Variants in U2SURP observed in about 807,000 individuals in gnomAD.
U2SURP encodes U2 snRNP-associated SURP motif-containing protein.
Under a neutral mutation model 144.9 loss-of-function variants are expected in U2SURP, and 9 were observed. The ratio of observed to expected loss-of-function variants is 0.06; its 90% confidence interval spans 0.04 to 0.11. The LOEUF (loss-of-function observed/expected upper bound fraction) is 0.11. U2SURP is among the 10% of genes least tolerant of loss of function. The pLI is 1.00. For synonymous variants in U2SURP, 408 were observed against 396.8 expected (o/e 1.03, Z -0.33); for missense variants, 724 against 1,226.7 (o/e 0.59, Z 6.12).
intron 25 of U2SURP, among the ~76,000 whole-genome samples, chr3:143,052,220 C>T (rs1051672877): frequency 5.9e-5 from 9 of 152,138 alleles, no homozygotes; most frequent in Non-Finnish European, 8.8e-5. Context: ...CATGGATAAA[C>T]CCCGTCTCTA....
chr3:143,011,071 A>G (rs1237764170), intron 2 of U2SURP, among the ~76,000 whole-genome samples: 1 of 151,188 alleles, frequency 6.6e-6, no homozygotes, highest in Non-Finnish European at 1.5e-5. Context: ...CCTAGTATGT[A>G]TATTTCCTTA....
chr3:143,037,157 A>T, intron 20 of U2SURP, 22 bp from the exon 21 acceptor site: 2 of 1,602,934 alleles, frequency 1.2e-6, no homozygotes, highest in Non-Finnish European at 1.7e-6. Context: ...GGAAAATGTT[A>T]TAATAGTACA....
At chr3:143,054,045 C>G (rs1000058283) in intron 26 of U2SURP, among the ~76,000 whole-genome samples, 1 of 152,144 alleles carries the variant, frequency 6.6e-6, no homozygotes, top group Non-Finnish European at 1.5e-5. Context: ...TGCAAGGATT[C>G]AATTACAGTA....
rs757188721 is a variant in U2SURP, at chr3:143,021,495, C to G, written c.792C>G (p.Gly264=). 6 of 1,613,818 alleles carry G rather than the reference C, an allele frequency of 3.7e-6. No homozygotes were observed. The highest frequency in any genetic ancestry group is 5.1e-6 in the Non-Finnish European group (6 of 1,179,842). Residue 264 remains glycine (G), a synonymous_variant, in exon 10 of 28, where the codon GGC becomes GGG. Coordinates refer to ENST00000473835, the MANE Select transcript of U2SURP (RefSeq NM_001080415.2). ...SSGVLDDYAP[G]SHDVGDPSTT... ...TAGTTCTTGATGATTACGCACCTGG[C>G]TCACATGATGTAGGAGATCCAAGCA...
At chr3:143,009,690 T>G (rs549500132) in intron 1 of U2SURP, among the ~76,000 whole-genome samples, 1 of 152,298 alleles carries the variant, frequency 6.6e-6, no homozygotes, top group South Asian at 2.1e-4. Flanking sequence ...CCTATGCTAA[T>G]GCGCAATACA....
intron 4 of U2SURP, among the ~76,000 whole-genome samples, chr3:143,015,109 A>T (rs1936300732): frequency 6.6e-6 from 1 of 152,096 alleles, no homozygotes; most frequent in Non-Finnish European, 1.5e-5. Flanking sequence ...GTAGTGTATG[A>T]ATGAATGTTT....
At chr3:143,051,782 G>C (rs1934880872) in intron 25 of U2SURP, among the ~76,000 whole-genome samples, 1 of 151,996 alleles carries the variant, frequency 6.6e-6, no homozygotes, top group Non-Finnish European at 1.5e-5. Flanking sequence ...TGCTAGTACT[G>C]CTCTCTGCTG....
intron 13 of U2SURP, among the ~76,000 whole-genome samples, chr3:143,025,329 G>C (rs1039619685): frequency 6.6e-6 from 1 of 152,088 alleles, no homozygotes; most frequent in Non-Finnish European, 1.5e-5. Flanking sequence ...AAAATTTTGA[G>C]TGTGCGTTTT....
At chr3:143,038,316 C>G (rs902791799) in intron 22 of U2SURP, 113 bp downstream of exon 22, 14 of 739,608 alleles carry the variant, frequency 1.9e-5, no homozygotes, top group Non-Finnish European at 2.6e-5. Flanking sequence ...AACCTTAATG[C>G]TCAATGTTGT....
At chr3:143,016,404 A>G (rs753546105) in intron 5 of U2SURP, 33 bp downstream of exon 5, 5 of 1,575,522 alleles carry the variant, frequency 3.2e-6, no homozygotes, top group Admixed American at 1.7e-5. Context: ...CTAATAAAGC[A>G]TAACTGTATT....
intron 2 of U2SURP, 87 bp from the exon 3 acceptor site, chr3:143,012,135 A>G: frequency 6.8e-7 from 1 of 1,477,910 alleles, no homozygotes; most frequent in Non-Finnish European, 9.3e-7. Flanking sequence ...ATTTGTCAAT[A>G]TCTGGCATGG....
At chr3:143,030,883 TAAAA>T (rs1933443334) in intron 16 of U2SURP, among the ~76,000 whole-genome samples, 1 of 152,130 alleles carries the variant, frequency 6.6e-6, no homozygotes, top group South Asian at 2.1e-4. Flanking sequence ...CCATTTCTAT[TAAAA>T]AGAAATTTAA....
rs367592203 is a variant in U2SURP, at chr3:143,010,830, G to A, written c.61G>A (p.Val21Ile). Residue 21 changes from valine to isoleucine, a missense_variant, in exon 2 of 28, where the codon GTT becomes ATT. Physicochemically the swap from Val to Ile is conservative, Grantham distance 29. Coordinates refer to ENST00000473835, the MANE Select transcript of U2SURP (RefSeq NM_001080415.2). ...KASSKTRSSDVHSSGSSDAHM... is the reference protein window; with the variant it reads ...KASSKTRSSDIHSSGSSDAHM... ...ATACTTGTAGACGAGATCATCAGAT[G>A]TTCATTCATCTGGATCTTCAGATGC... 47 of 1,607,742 alleles carry A rather than the reference G, an allele frequency of 2.9e-5. No individual in the cohort carries two copies. In the Admixed American group the frequency reaches 4.4e-4, roughly 15 times the overall value.
At chr3:143,047,234 A>T (rs1377212664) in intron 24 of U2SURP, among the ~76,000 whole-genome samples, 4 of 65,590 alleles carry the variant, frequency 6.1e-5, no homozygotes, top group Admixed American at 2.7e-4. Flanking sequence ...TGATCCCCCC[A>T]CCTCCCTCCC....
chr3:143,030,353 T>G (rs941803343), intron 16 of U2SURP, among the ~76,000 whole-genome samples: 6 of 152,184 alleles, frequency 3.9e-5, no homozygotes, highest in African/African-American at 1.4e-4. Context: ...CATTAAGAAT[T>G]TATGCTAAAT....
Position 143,022,580 on chromosome 3 carries a change from A to G in U2SURP, c.936A>G (p.Glu312=), listed in dbSNP as rs1359522512. The G allele has an allele frequency of 1.2e-6, 2 of 1,613,896 alleles. No homozygotes were observed. Among genetic ancestry groups the G allele is most frequent in the African/African-American group, 1.3e-5 (1 of 75,066 alleles). ...AAATCATGTGGCCTAGAACTGATGA[A>G]GAAAGAGCCAGAGAGAGAAATTGCG... ...SVKIMWPRTD[E]ERARERNCGF... is the part of the protein sequence containing the mutation. Residue 312 remains glutamate, a synonymous_variant, in exon 11 of 28, where the codon GAA becomes GAG. Transcript: ENST00000473835.
At chr3:143,033,147 G>C (rs1344093311) in intron 17 of U2SURP, 124 bp from the exon 18 acceptor site, 1 of 822,218 alleles carries the variant, frequency 1.2e-6, no homozygotes, top group African/African-American at 1.7e-5. Flanking sequence ...TTTCATCTCT[G>C]CCAGAGTCAT....
Position 143,001,628 on chromosome 3 carries a change from G to T in U2SURP, c.-1G>T. On this transcript the variant is annotated 5_prime_UTR_variant, in exon 1 of 28. Transcript: ENST00000473835. ...CCGCCGAAGGAGGGGCAAAGCTCAA[G>T]ATGGCGGACAAAACGCCAGGCGGAT... 6.2e-7 allele frequency: 1 copy of T among 1,614,042 alleles called. No individual in the cohort carries two copies. Among genetic ancestry groups the T allele is most frequent in the East Asian group, 2.2e-5 (1 of 44,888 alleles).
chr3:143,036,625 C>T (rs556077081), intron 20 of U2SURP, among the ~76,000 whole-genome samples: 1 of 152,122 alleles, frequency 6.6e-6, no homozygotes, highest in South Asian at 2.1e-4. Flanking sequence ...CTGTTGCAAC[C>T]CACGTGGTCC....
Sources: allele counts gnomAD v4.1 joint callset (sites outside exome capture counted in the v4.1 genomes callset), GRCh38; gene constraint gnomAD v4.1.1; transcripts MANE v1.5; gene names NCBI Gene and HGNC (gene_info 2026-07-23, HGNC 2026-07-21).